The following FER variants were observed in gnomAD, a reference collection of about 807,000 sequenced individuals.
FER encodes the protein tyrosine-protein kinase Fer.
In FER, 63 loss-of-function variants were observed where a neutral mutation model predicts 111.0. The ratio of observed to expected loss-of-function variants is 0.57; its 90% CI spans 0.46 to 0.70. FER has a LOEUF of 0.70. Among genes scored for constraint, FER ranks in the 30% least tolerant of loss-of-function variants. The probability of loss-of-function intolerance (pLI) is 0.00; values close to 1 mark genes in which losing one functional copy is unlikely to be tolerated. For synonymous variants in FER, 327 were observed against 313.9 expected (o/e 1.04, Z -0.44); for missense variants, 914 against 954.0 (o/e 0.96, Z 0.55).
chr5:108,890,635 A>G (rs551913398), intron 9 of FER, among the ~76,000 whole-genome samples: 1 of 151,934 alleles, frequency 6.6e-6, no homozygotes, highest in African/African-American at 2.4e-5. Context: ...GGCCTATCCT[A>G]CTCCTGTATA....
intron 5 of FER, among the ~76,000 whole-genome samples, chr5:108,863,050 G>A (rs1158357088): frequency 6.6e-6 from 1 of 152,100 alleles, no homozygotes; most frequent in African/African-American, 2.4e-5. Context: ...TTGTGTGGGT[G>A]GGGACAAAAA....
intron 15 of FER, among the ~76,000 whole-genome samples, chr5:109,046,683 T>C (rs943195827): frequency 4.6e-5 from 7 of 152,224 alleles, no homozygotes; most frequent in Admixed American, 2.6e-4. Flanking sequence ...ATGTTGATGA[T>C]TGCATCTGTA....
At chr5:109,180,340 G>A (rs921727107) in intron 17 of FER, among the ~76,000 whole-genome samples, 1 of 152,140 alleles carries the variant, frequency 6.6e-6, no homozygotes, top group Non-Finnish European at 1.5e-5. Context: ...GAAAAATTCA[G>A]TTTCTTGGTC....
rs561464341 is a variant in FER at position 109,002,176 on chromosome 5, G to A, written c.1657-35246G>A. Among the ~76,000 whole-genome samples the A allele has an allele frequency of 9.9e-5, 15 of 151,658 alleles. No individual in the cohort carries two copies. In the East Asian group the frequency reaches 2.9e-3, roughly 29 times the overall value. ...GCCCGCATTGCCAAGTCACTCCTAA[G>A]CCAAAAGAACAAAGCTGGAGGCATC... is the stretch of plus-strand genomic sequence containing the variant. On this transcript the variant is annotated intron_variant, in intron 13 of 19. Coordinates refer to ENST00000281092, the MANE Select transcript of FER (RefSeq NM_005246.4).
intron 1 of FER, among the ~76,000 whole-genome samples, chr5:108,764,881 A>G (rs145888517): frequency 1.9e-3 from 292 of 152,322 alleles, no homozygotes; most frequent in African/African-American, 6.7e-3. Context: ...TGCCTAGGAC[A>G]CAAAATATGA....
Position 109,059,288 on chromosome 5 carries a change from C to T in FER, c.1924+12090C>T, listed in dbSNP as rs1037770438. On this transcript the variant is annotated intron_variant, in intron 16 of 19. Transcript: ENST00000281092. ...AAAAGCACTGGAGAAACTAAATAGA[C>T]TTGGTTAGCTTTTAAGAATTATGGG... is the stretch of plus-strand genomic sequence containing the variant. Among the ~76,000 whole-genome samples, 8 of 151,504 alleles carry T rather than the reference C, an allele frequency of 5.3e-5. 1 individual carries two copies. The highest frequency in any genetic ancestry group is 7.3e-5 in the African/African-American group (3 of 41,176).
rs1240344008 is a variant in FER, at chr5:108,776,544, C to G, written c.-60+8306C>G. On this transcript the variant is annotated intron_variant, in intron 2 of 19. Coordinates refer to ENST00000281092, the MANE Select transcript of FER (RefSeq NM_005246.4). ...AGGAGACATTTTATACAGATACTTG[C>G]ATATACCCTTATATTCACAAGAAAT... Among the ~76,000 whole-genome samples, 3 of 152,132 alleles carry G rather than the reference C, an allele frequency of 2.0e-5. No individual in the cohort carries two copies. In the East Asian group the frequency reaches 5.8e-4, roughly 29 times the overall value.
At chr5:108,985,910 A>G (rs1224200525) in intron 13 of FER, among the ~76,000 whole-genome samples, 1 of 152,156 alleles carries the variant, frequency 6.6e-6, no homozygotes, top group Non-Finnish European at 1.5e-5. Flanking sequence ...GTATGCAAAT[A>G]CCTTTTTCGT....
intron 5 of FER, among the ~76,000 whole-genome samples, chr5:108,852,533 A>G (rs183778764): frequency 1.3e-5 from 2 of 152,266 alleles, no homozygotes; most frequent in East Asian, 3.9e-4. Flanking sequence ...CAGGTGATAT[A>G]TGGAGGTCCT....
At chr5:108,974,888 A>G (rs1761132669) in intron 13 of FER, among the ~76,000 whole-genome samples, 1 of 152,238 alleles carries the variant, frequency 6.6e-6, no homozygotes. Context: ...TTTAGCCCCA[A>G]GAGACTCATT....
chr5:108,850,756 C>T (rs911324802), intron 5 of FER, among the ~76,000 whole-genome samples: 1 of 151,978 alleles, frequency 6.6e-6, no homozygotes, highest in African/African-American at 2.4e-5. Flanking sequence ...TTTTACTACA[C>T]CGTTATTTTA....
At chr5:109,124,586 T>TG (rs1751424666) in intron 17 of FER, among the ~76,000 whole-genome samples, 1 of 109,168 alleles carries the variant, frequency 9.2e-6, no homozygotes, top group South Asian at 2.4e-4. Flanking sequence ...TTTTTAATAG[T>TG]TTTGTTGTTG....
chr5:108,968,478 G>A (rs975954742), intron 13 of FER, among the ~76,000 whole-genome samples: 1 of 152,122 alleles, frequency 6.6e-6, no homozygotes, highest in Non-Finnish European at 1.5e-5. Context: ...ATGGATGTGA[G>A]AAAGGGATGA....
At chr5:108,822,709 A>ATTTATTTTATTTTAT (rs570033160) in intron 3 of FER, among the ~76,000 whole-genome samples, 205 of 121,524 alleles carry the variant, frequency 1.7e-3, no homozygotes, top group East Asian at 4.2e-3. Context: ...ATTTTATTTT[A>ATTTATTTTATTTTAT]TTTATTTTAT....
At chr5:108,969,427 ATG>A (rs1760328368) in intron 13 of FER, among the ~76,000 whole-genome samples, 1 of 152,138 alleles carries the variant, frequency 6.6e-6, no homozygotes, top group African/African-American at 2.4e-5. Flanking sequence ...AGTTTAGGTT[ATG>A]TTGTTACCTT....
intron 17 of FER, among the ~76,000 whole-genome samples, chr5:109,142,626 A>G (rs548788771): frequency 6.6e-6 from 1 of 152,296 alleles, no homozygotes; most frequent in Non-Finnish European, 1.5e-5. Flanking sequence ...ATATTTATAG[A>G]GAGAGCATAT....
At chr5:109,069,478 CAT>C (rs1775519627) in intron 16 of FER, among the ~76,000 whole-genome samples, 1 of 152,078 alleles carries the variant, frequency 6.6e-6, no homozygotes, top group East Asian at 1.9e-4. Context: ...TGCTGAGACA[CAT>C]AGGAAACCAG....
At chr5:109,000,378 C>A (rs1369765331) in intron 13 of FER, among the ~76,000 whole-genome samples, 1 of 151,170 alleles carries the variant, frequency 6.6e-6, no homozygotes, top group Non-Finnish European at 1.5e-5. Context: ...AGAAAGAGAA[C>A]AATTCATGAA....
rs1759336144 is a variant in FER at position 109,190,994 on chromosome 5, A to G, written c.*3419A>G. ...ATAATTTGGTTTTTCTATCTATATTATATTCAGTTCAGTTTTCCCATATAA... is the reference window on the plus strand; with the variant it reads ...ATAATTTGGTTTTTCTATCTATATTGTATTCAGTTCAGTTTTCCCATATAA... On this transcript the variant is annotated 3_prime_UTR_variant, in exon 20 of 20. Transcript: ENST00000281092. 1 of 152,126 alleles carries G rather than the reference A, an allele frequency of 6.6e-6. No homozygotes were observed. Among genetic ancestry groups the G allele is most frequent in the Non-Finnish European group, 1.5e-5 (1 of 67,992 alleles). The allele number at this position is 152,126 out of a possible 1,614,324, so 9.4% of individuals were successfully genotyped here. A position where few individuals can be genotyped will look rare whatever the true frequency, so the allele number is the denominator to read the frequency against.
Sources: gnomAD v4.1 joint callset for allele counts (sites outside exome capture counted in the v4.1 genomes callset) on GRCh38, gnomAD v4.1.1 for gene constraint, MANE v1.5 for transcripts, NCBI Gene and HGNC (gene_info 2026-07-23, HGNC 2026-07-21) for gene names.